Variants in TCF20 observed in about 807,000 individuals in gnomAD.
TCF20 encodes the protein SPRE-binding protein.
TCF20 carries 3 observed loss-of-function variants against 148.6 expected under a neutral mutation model. The ratio of observed to expected loss-of-function variants is 0.02; its 90% confidence interval spans 0.01 to 0.05. TCF20 has a LOEUF of 0.05. Ranked by LOEUF, TCF20 falls within the 10% of genes least tolerant of loss-of-function variation. The pLI, the probability that TCF20 is intolerant of heterozygous loss-of-function variation, is 1.00. For synonymous variants in TCF20, 1,049 were observed against 909.5 expected (o/e 1.15, Z -2.76); for missense variants, 2,350 against 2,429.3 (o/e 0.97, Z 0.69).
At chr22:42,175,575 G>T (rs1289942663) in intron 3 of TCF20, among the ~76,000 whole-genome samples, 1 of 151,604 alleles carries the variant, frequency 6.6e-6, no homozygotes, top group Non-Finnish European at 1.5e-5. Context: ...TCCTGACCTT[G>T]TGATCCGCCC....
chr22:42,316,210 A>G (rs370116411), intron 1 of TCF20, among the ~76,000 whole-genome samples: 1 of 152,004 alleles, frequency 6.6e-6, no homozygotes, highest in Non-Finnish European at 1.5e-5. Context: ...CTTCCAAGGA[A>G]GAAGGGACCC....
chr22:42,323,926 ATGGTGGTGGTGG>A (rs1312568607), intron 1 of TCF20, among the ~76,000 whole-genome samples: 2 of 9,586 alleles, frequency 2.1e-4, no homozygotes, highest in African/African-American at 2.8e-4. Flanking sequence ...GATGGAGGTT[ATGGTGGTGGTGG>A]TGGTGATGGA....
intron 1 of TCF20, among the ~76,000 whole-genome samples, chr22:42,265,965 G>C (rs2146989830): frequency 6.6e-6 from 1 of 152,216 alleles, no homozygotes; most frequent in East Asian, 1.9e-4. Flanking sequence ...CCAAGTATGG[G>C]CAAGGTAAAA....
chr22:42,263,751 G>C (rs1292822076), intron 1 of TCF20, among the ~76,000 whole-genome samples: 1 of 152,068 alleles, frequency 6.6e-6, no homozygotes, highest in Non-Finnish European at 1.5e-5. Context: ...ATCTCTCCTT[G>C]ATATCTTAAG....
At chr22:42,186,516 G>A (rs935382562) in intron 2 of TCF20, among the ~76,000 whole-genome samples, 2 of 152,010 alleles carry the variant, frequency 1.3e-5, no homozygotes, top group African/African-American at 4.8e-5. Context: ...ATTAAATTAA[G>A]ACAAACAGTT....
chr22:42,343,305 G>A (rs1214376452), intron 1 of TCF20, among the ~76,000 whole-genome samples: 1 of 152,152 alleles, frequency 6.6e-6, no homozygotes, highest in Non-Finnish European at 1.5e-5. Flanking sequence ...CACAGCAGGC[G>A]CGCGATAAGT....
chr22:42,245,376 T>G (rs1924819557), intron 1 of TCF20, among the ~76,000 whole-genome samples: 1 of 152,026 alleles, frequency 6.6e-6, no homozygotes, highest in African/African-American at 2.4e-5. Flanking sequence ...CCAGCCTCCT[T>G]TACTCCTGTC....
chr22:42,235,713 C>G (rs936993777), intron 1 of TCF20, among the ~76,000 whole-genome samples: 2 of 152,084 alleles, frequency 1.3e-5, no homozygotes, highest in African/African-American at 4.8e-5. Flanking sequence ...GTGACTTGGG[C>G]AAGTTATTTA....
At chr22:42,294,369 A>G (rs1292286542) in intron 1 of TCF20, among the ~76,000 whole-genome samples, 2 of 152,198 alleles carry the variant, frequency 1.3e-5, no homozygotes, top group Non-Finnish European at 2.9e-5. Flanking sequence ...CTAACTCAAT[A>G]AAGTTCCCCT....
At chr22:42,251,792 C>T (rs139763105) in intron 1 of TCF20, among the ~76,000 whole-genome samples, 113 of 151,632 alleles carry the variant, frequency 7.5e-4, no homozygotes, top group African/African-American at 2.6e-3. Flanking sequence ...AGTGAGCCAC[C>T]GCACCTGGCC....
At chr22:42,172,714 G>A (rs181150535) in intron 3 of TCF20, among the ~76,000 whole-genome samples, 2 of 152,322 alleles carry the variant, frequency 1.3e-5, no homozygotes, top group East Asian at 3.9e-4. Context: ...CAAGGAGGGA[G>A]GTAGGAAAAA....
At chr22:42,242,013 T>TAAC (rs1924446702) in intron 1 of TCF20, among the ~76,000 whole-genome samples, 1 of 151,728 alleles carries the variant, frequency 6.6e-6, no homozygotes, top group African/African-American at 2.4e-5. Flanking sequence ...CCATCCTGGC[T>TAAC]AACACAGTGA....
At chr22:42,171,436 A>G (rs1936125619) in intron 3 of TCF20, among the ~76,000 whole-genome samples, 1 of 152,158 alleles carries the variant, frequency 6.6e-6, no homozygotes, top group South Asian at 2.1e-4. Context: ...GTATCCTAAA[A>G]CAAATCAAAA....
At chr22:42,332,272 A>G (rs1267692566) in intron 1 of TCF20, among the ~76,000 whole-genome samples, 2 of 152,222 alleles carry the variant, frequency 1.3e-5, no homozygotes, top group South Asian at 4.1e-4. Context: ...GGAGGTCGGA[A>G]CAGCAAGTGC....
At chr22:42,272,328 A>T (rs1371995897), upstream of TCF20, among the ~76,000 whole-genome samples, 1 of 152,258 alleles carries the variant, frequency 6.6e-6, no homozygotes, top group Non-Finnish European at 1.5e-5. Flanking sequence ...TTTTCTGGAC[A>T]AAAATAGGAG....
intron 1 of TCF20, among the ~76,000 whole-genome samples, chr22:42,260,809 G>T (rs771455803): frequency 6.6e-6 from 1 of 152,102 alleles, no homozygotes; most frequent in Non-Finnish European, 1.5e-5. Flanking sequence ...AATATAACGC[G>T]AACAGAACCT....
intron 2 of TCF20, among the ~76,000 whole-genome samples, chr22:42,207,679 G>C (rs529507728): frequency 1.3e-5 from 2 of 152,328 alleles, no homozygotes; most frequent in East Asian, 3.9e-4. Flanking sequence ...GCTGTGCATG[G>C]TGGCGCATGC....
At chr22:42,215,427 G>T in intron 1 of TCF20, 86 bp from the exon 2 acceptor site, 1 of 1,446,732 alleles carries the variant, frequency 6.9e-7, no homozygotes, top group Non-Finnish European at 9.1e-7. Context: ...GAATAAAGAT[G>T]AATCAGAGGC....
At chr22:42,268,709 A>G (rs1926426077) in intron 1 of TCF20, among the ~76,000 whole-genome samples, 1 of 152,192 alleles carries the variant, frequency 6.6e-6, no homozygotes, top group Non-Finnish European at 1.5e-5. Flanking sequence ...TCTCTGAAAC[A>G]TTTTCTGATA....
Sources: allele counts gnomAD v4.1 joint callset (sites outside exome capture counted in the v4.1 genomes callset), GRCh38; gene constraint gnomAD v4.1.1; transcripts MANE v1.5; gene names NCBI Gene and HGNC (gene_info 2026-07-23, HGNC 2026-07-21).